FAM83B: variants seen among roughly 807,000 people sequenced by gnomAD.
The protein encoded by FAM83B is protein FAM83B.
FAM83B carries 26 observed loss-of-function variants against 38.8 expected under a neutral mutation model. That is an observed-to-expected ratio of 0.67 (90% confidence interval 0.49 to 0.93). The LOEUF is 0.93. Among genes scored for constraint, FAM83B ranks in the 40% least tolerant of loss-of-function variants. FAM83B has a pLI of 0.00. For missense variants in FAM83B, 1,237 were observed against 1,197.3 expected (o/e 1.03, Z -0.49); for synonymous variants, 419 against 423.1 (o/e 0.99, Z 0.12).
chr6:54,906,328 T>G (rs1224377436), intron 2 of FAM83B, among the ~76,000 whole-genome samples: 1 of 152,192 alleles, frequency 6.6e-6, no homozygotes, highest in Non-Finnish European at 1.5e-5. Flanking sequence ...GTACCTATTT[T>G]ATCAGATTTT....
At chr6:54,879,842 G>GA (rs1772084612) in intron 2 of FAM83B, among the ~76,000 whole-genome samples, 1 of 152,120 alleles carries the variant, frequency 6.6e-6, no homozygotes, top group South Asian at 2.1e-4. Context: ...TGGGATAATG[G>GA]TCAGCAACAA....
chr6:54,934,848 C>G (rs1235097150), intron 4 of FAM83B, among the ~76,000 whole-genome samples: 1 of 152,092 alleles, frequency 6.6e-6, no homozygotes, highest in African/African-American at 2.4e-5. Context: ...TTTGTAGTAC[C>G]TTTTGATCCG....
In FAM83B at chr6:54,941,534, C is replaced by G. The variant is rs1773694885; in HGVS notation, c.2563C>G (p.Gln855Glu). The G allele has an allele frequency of 6.2e-7, 1 of 1,613,934 alleles. No homozygotes were observed. Among genetic ancestry groups the G allele is most frequent in the Admixed American group, 1.7e-5 (1 of 59,948 alleles). Reference protein sequence around the residue: ...SKEDVTVSPSQEINAPPDENK... With the variant: ...SKEDVTVSPSEEINAPPDENK... ...GGAAGATGTAACAGTTAGCCCATCT[C>G]AAGAGATAAATGCTCCACCAGATGA... The change falls in exon 5 of 5, where the codon CAA (glutamine) becomes GAA (glutamate). Residue 855 changes from glutamine (Q) to glutamate (E), a missense_variant. Gln to Glu is a conservative substitution (Grantham distance 29). Coordinates refer to ENST00000306858, the MANE Select transcript of FAM83B (RefSeq NM_001010872.3).
At chr6:54,847,672 G>A (rs1324070352) in intron 1 of FAM83B, among the ~76,000 whole-genome samples, 1 of 152,152 alleles carries the variant, frequency 6.6e-6, no homozygotes, top group African/African-American at 2.4e-5. Flanking sequence ...GAGAATGCCT[G>A]TGTTCATTGC....
At chr6:54,849,776 AT>A (rs1455666429) in intron 1 of FAM83B, among the ~76,000 whole-genome samples, 1 of 128,218 alleles carries the variant, frequency 7.8e-6, no homozygotes, top group African/African-American at 3.1e-5. Context: ...GGCACATGAC[AT>A]TTATCTTTTC....
chr6:54,933,706 G>A (rs751822106), intron 4 of FAM83B, among the ~76,000 whole-genome samples: 4 of 152,086 alleles, frequency 2.6e-5, no homozygotes, highest in Middle Eastern at 6.8e-3. Flanking sequence ...CTGACCTCTC[G>A]TTCCTTTGGT....
intron 2 of FAM83B, among the ~76,000 whole-genome samples, chr6:54,888,549 A>G (rs1772331032): frequency 6.6e-6 from 1 of 151,980 alleles, no homozygotes; most frequent in African/African-American, 2.4e-5. Context: ...ATTGTTATTT[A>G]GCACTTCAGT....
At chr6:54,884,529 G>C (rs1017239013) in intron 2 of FAM83B, among the ~76,000 whole-genome samples, 4 of 149,886 alleles carry the variant, frequency 2.7e-5, no homozygotes, top group African/African-American at 9.8e-5. Flanking sequence ...ATATCAAGAA[G>C]ATGTTATCCT....
chr6:54,937,183 C>A (rs1773540927), intron 4 of FAM83B, among the ~76,000 whole-genome samples: 1 of 151,554 alleles, frequency 6.6e-6, no homozygotes, highest in African/African-American at 2.4e-5. Flanking sequence ...ATATACATTA[C>A]TTTATGCATA....
At position 54,942,753 on chromosome 6, in the gene FAM83B, T is replaced by C. The variant is rs1283252221; in HGVS notation, c.*746T>C. On this transcript the variant is annotated 3_prime_UTR_variant, in exon 5 of 5. Transcript: ENST00000306858. Reference sequence around the variant, plus strand: ...TTTATAGTCATTCCTTACTTCACATTTAGGACAAACCAGTAGGAATTTAGA... The same window carrying C: ...TTTATAGTCATTCCTTACTTCACATCTAGGACAAACCAGTAGGAATTTAGA... 1.3e-5 allele frequency among the ~76,000 whole-genome samples: 2 copies of C among 151,622 alleles called. No homozygotes were observed. Among genetic ancestry groups the C allele is most frequent in the Non-Finnish European group, 2.9e-5 (2 of 68,028 alleles).
intron 4 of FAM83B, among the ~76,000 whole-genome samples, chr6:54,936,735 C>A (rs1004376600): frequency 1.2e-4 from 18 of 151,432 alleles, no homozygotes; most frequent in South Asian, 1.0e-3. Context: ...TGTGTCTGAA[C>A]TGGGAATCTA....
chr6:54,928,226 G>A (rs528899295), intron 4 of FAM83B, among the ~76,000 whole-genome samples: 1 of 152,218 alleles, frequency 6.6e-6, no homozygotes, highest in South Asian at 2.1e-4. Flanking sequence ...TGAACTGCTA[G>A]GTCACTGAGG....
chr6:54,900,808 G>T (rs1772645388), intron 2 of FAM83B, among the ~76,000 whole-genome samples: 1 of 152,170 alleles, frequency 6.6e-6, no homozygotes, highest in Admixed American at 6.5e-5. Flanking sequence ...CAAAACTGAT[G>T]AGTGTGATAG....
intron 4 of FAM83B, among the ~76,000 whole-genome samples, chr6:54,933,073 T>A (rs993778849): frequency 6.6e-6 from 1 of 152,126 alleles, no homozygotes; most frequent in Non-Finnish European, 1.5e-5. Flanking sequence ...TCTGAGCTTC[T>A]CATAATGCAA....
intron 2 of FAM83B, among the ~76,000 whole-genome samples, chr6:54,871,883 C>T (rs950559232): frequency 1.2e-4 from 18 of 150,582 alleles, no homozygotes; most frequent in South Asian, 2.1e-4. Context: ...ACACGCATGA[C>T]ATTGCTTTCT....
In FAM83B at chr6:54,862,131, T is replaced by C. The variant is rs148343723; in HGVS notation, c.-60-8056T>C. On this transcript the variant is annotated intron_variant, in intron 1 of 4. Coordinates refer to ENST00000306858, the MANE Select transcript of FAM83B (RefSeq NM_001010872.3). ...CAGCCGTTGTACTCAGGCACCAGTT[T>C]CCCCAGTTCTTTAATGTTTAACTTC... Among the ~76,000 whole-genome samples the C allele has an allele frequency of 2.5e-3, 386 of 152,308 alleles. 2 individuals are homozygous for C. Among genetic ancestry groups the C allele is most frequent in the African/African-American group, 8.4e-3 (350 of 41,574 alleles).
intron 4 of FAM83B, among the ~76,000 whole-genome samples, chr6:54,929,568 T>C (rs917409745): frequency 2.0e-5 from 3 of 152,144 alleles, no homozygotes; most frequent in Non-Finnish European, 4.4e-5. Flanking sequence ...GATAATTTTA[T>C]AGGCTTTTTC....
intron 2 of FAM83B, among the ~76,000 whole-genome samples, chr6:54,912,509 A>C (rs539726027): frequency 6.6e-6 from 1 of 151,582 alleles, no homozygotes; most frequent in South Asian, 2.1e-4. Flanking sequence ...AATAAAATAC[A>C]AACTCTACAT....
rs1773640272 is a variant in FAM83B at position 54,940,307 on chromosome 6, A to G, written c.1336A>G (p.Asn446Asp). ...CAACACACCTGCCCAGAGTTTTGCC[A>G]ATCGGCTTGCGCAGAGAAAAACAAC... ...HHNTPAQSFANRLAQRKTTNL... is the reference protein window; with the variant it reads ...HHNTPAQSFADRLAQRKTTNL... The change falls in exon 5 of 5, where the codon AAT becomes GAT. Residue 446 changes from asparagine (N) to aspartate (D), a missense_variant. By Grantham distance (23) the Asn-to-Asp change is conservative. Transcript: ENST00000306858. 1 of 1,614,070 alleles carries G rather than the reference A, an allele frequency of 6.2e-7. No individual in the cohort carries two copies. Among genetic ancestry groups the G allele is most frequent in the Non-Finnish European group, 8.5e-7 (1 of 1,179,994 alleles).
Sources: gnomAD v4.1 joint callset for allele counts (sites outside exome capture counted in the v4.1 genomes callset) on GRCh38, gnomAD v4.1.1 for gene constraint, MANE v1.5 for transcripts, NCBI Gene and HGNC (gene_info 2026-07-23, HGNC 2026-07-21) for gene names.